Variants in STARD13 observed in about 807,000 individuals in gnomAD.
STARD13 encodes the protein StAR related lipid transfer domain containing 13, also known as stAR-related lipid transfer protein 13.
Under a neutral mutation model 106.4 loss-of-function variants are expected in STARD13, and 62 were observed. The observed-to-expected ratio is 0.58, with a 90% CI of 0.48 to 0.72. STARD13 has a LOEUF of 0.72. Ranked by LOEUF, STARD13 falls within the 30% of genes least tolerant of loss-of-function variation. The probability of loss-of-function intolerance (pLI) is 0.00; values close to 1 mark genes in which losing one functional copy is unlikely to be tolerated. For synonymous variants in STARD13, 565 were observed against 553.0 expected (o/e 1.02, Z -0.31); for missense variants, 1,387 against 1,424.0 (o/e 0.97, Z 0.42).
the STARD13 span, among the ~76,000 whole-genome samples, chr13:33,388,129 C>A: frequency 6.6e-6 from 1 of 152,140 alleles, no homozygotes; most frequent in African/African-American, 2.4e-5. Flanking sequence ...TCCCCAACCA[C>A]CAGAGGCGTT....
At chr13:33,484,667 C>T in the STARD13 span, among the ~76,000 whole-genome samples, 3 of 152,154 alleles carry the variant, frequency 2.0e-5, no homozygotes, top group Non-Finnish European at 4.4e-5. Context: ...AATAAAACTC[C>T]AGTCTCCCAT....
At chr13:33,175,720 C>G (rs1884445724) in intron 1 of STARD13, among the ~76,000 whole-genome samples, 1 of 152,214 alleles carries the variant, frequency 6.6e-6, no homozygotes, top group Admixed American at 6.5e-5. Context: ...ATCCCACCAC[C>G]ACTAGGAAGT....
At chr13:33,606,704 T>C in the STARD13 span, among the ~76,000 whole-genome samples, 1 of 152,260 alleles carries the variant, frequency 6.6e-6, no homozygotes, top group Non-Finnish European at 1.5e-5. Flanking sequence ...TTACCACAAA[T>C]GTAGTGGCTT....
the STARD13 span, among the ~76,000 whole-genome samples, chr13:33,443,284 G>A: frequency 4.9e-3 from 751 of 152,014 alleles, 6 homozygotes; most frequent in African/African-American, 0.015. Context: ...GGCTGAGGCA[G>A]GAGAATGCCT....
the STARD13 span, among the ~76,000 whole-genome samples, chr13:33,598,646 A>G: frequency 6.6e-6 from 1 of 152,248 alleles, no homozygotes; most frequent in Non-Finnish European, 1.5e-5. Context: ...TCTCAGTTTT[A>G]TGGAAAATAT....
chr13:33,453,202 A>T, the STARD13 span, among the ~76,000 whole-genome samples: 1 of 152,234 alleles, frequency 6.6e-6, no homozygotes, highest in Non-Finnish European at 1.5e-5. Context: ...CATTTTCTTT[A>T]TAAGAGTAGT....
intron 1 of STARD13, among the ~76,000 whole-genome samples, chr13:33,293,850 C>T (rs1405688424): frequency 2.0e-5 from 3 of 152,180 alleles, no homozygotes; most frequent in Admixed American, 2.0e-4. Context: ...TTTTGGGCTT[C>T]AGACTGGCTC....
intron 1 of STARD13, among the ~76,000 whole-genome samples, chr13:33,184,001 A>G (rs534841556): frequency 2.6e-4 from 40 of 152,338 alleles, no homozygotes; most frequent in African/African-American, 9.6e-4. Context: ...TCTCAGGAGC[A>G]GAGGAAAAAT....
In STARD13 at chr13:33,343,604, T is replaced by TAAAAAAAA. The variant is rs1173728997; in HGVS notation, c.124+6685_124+6686insTTTTTTTT. The stretch of plus-strand genomic sequence containing the variant: ...AAAAAAAAAAAAAAAAAAACAAATC[T>TAAAAAAAA]ACAAATCTAGTAGTCCCTCTCCCTA... On this transcript the variant is annotated intron_variant, in intron 1 of 5. Coordinates refer to the STARD13 transcript ENST00000567873. Among the ~76,000 whole-genome samples the TAAAAAAAA allele has an allele frequency of 3.3e-4, 25 of 76,588 alleles. 4 individuals are homozygous for TAAAAAAAA. Among genetic ancestry groups the TAAAAAAAA allele is most frequent in the East Asian group, 1.6e-3 (3 of 1,924 alleles). The allele number at this position is 76,588 out of a possible 152,430, so 50.2% of individuals were successfully genotyped here.
the STARD13 span, among the ~76,000 whole-genome samples, chr13:33,451,106 C>T: frequency 6.6e-6 from 1 of 152,066 alleles, no homozygotes; most frequent in African/African-American, 2.4e-5. Flanking sequence ...TTTTGAACTC[C>T]TGGGCTCAAG....
intron 1 of STARD13, among the ~76,000 whole-genome samples, chr13:33,270,738 CA>C (rs1427204875): frequency 6.6e-6 from 1 of 152,132 alleles, no homozygotes; most frequent in African/African-American, 2.4e-5. Context: ...CCTTTGTTTT[CA>C]AGGTTCATTT....
chr13:33,673,085 G>A, the STARD13 span, among the ~76,000 whole-genome samples: 9 of 152,184 alleles, frequency 5.9e-5, no homozygotes, highest in Admixed American at 5.9e-4. Context: ...AATGAAGCTA[G>A]GATGCTATCC....
the STARD13 span, among the ~76,000 whole-genome samples, chr13:33,416,122 AT>A: frequency 6.6e-6 from 1 of 152,248 alleles, no homozygotes; most frequent in Non-Finnish European, 1.5e-5. Flanking sequence ...GGCCATTTTC[AT>A]TAATTTGGTT....
At chr13:33,575,972 C>T in the STARD13 span, among the ~76,000 whole-genome samples, 8 of 151,694 alleles carry the variant, frequency 5.3e-5, no homozygotes, top group African/African-American at 1.9e-4. Context: ...GCAGTAAAAA[C>T]AAAAAAAATC....
intron 1 of STARD13, among the ~76,000 whole-genome samples, chr13:33,198,905 C>A (rs1022419535): frequency 2.6e-5 from 4 of 152,222 alleles, no homozygotes; most frequent in African/African-American, 9.6e-5. Flanking sequence ...TCAGTAACTA[C>A]ATATGATTTA....
intron 1 of STARD13, among the ~76,000 whole-genome samples, chr13:33,174,303 A>T (rs1252649648): frequency 6.6e-6 from 1 of 151,992 alleles, no homozygotes; most frequent in Non-Finnish European, 1.5e-5. Context: ...AGTCACACAC[A>T]CTTATGCATT....
the STARD13 span, among the ~76,000 whole-genome samples, chr13:33,492,639 G>A: frequency 1.2e-4 from 19 of 152,288 alleles, no homozygotes; most frequent in East Asian, 5.8e-4. Flanking sequence ...CCATGACAAC[G>A]TCAGGAAGTG....
intron 1 of STARD13, among the ~76,000 whole-genome samples, chr13:33,202,549 C>T (rs1183272221): frequency 2.0e-5 from 3 of 152,054 alleles, no homozygotes; most frequent in Middle Eastern, 3.2e-3. Context: ...TTTGCGGAGC[C>T]TAGGGAGGAA....
the STARD13 span, among the ~76,000 whole-genome samples, chr13:33,553,545 T>G: frequency 1.3e-5 from 2 of 151,762 alleles, no homozygotes; most frequent in Non-Finnish European, 2.9e-5. Flanking sequence ...TGAGTAGAAT[T>G]TTTAAATATT....
Sources: allele counts gnomAD v4.1 joint callset (sites outside exome capture counted in the v4.1 genomes callset), GRCh38; gene constraint gnomAD v4.1.1; transcripts MANE v1.5; gene names NCBI Gene and HGNC (gene_info 2026-07-23, HGNC 2026-07-21).